The following MLLT3 variants were observed in gnomAD, a reference collection of about 807,000 sequenced individuals.
The protein encoded by MLLT3 is MLLT3 super elongation complex subunit, also known as protein AF-9.
A neutral mutation model predicts 53.2 loss-of-function variants in MLLT3; 4 were observed. The ratio of observed to expected loss-of-function variants is 0.08; its 90% CI spans 0.04 to 0.17. The LOEUF (loss-of-function observed/expected upper bound fraction) is 0.17. MLLT3 is among the 10% of genes least tolerant of loss of function. The probability of loss-of-function intolerance (pLI) is 1.00; values close to 1 mark genes in which losing one functional copy is unlikely to be tolerated. For missense variants in MLLT3, 569 were observed against 684.0 expected, an observed-to-expected ratio of 0.83 and a Z score of 1.87; for synonymous variants, 283 against 230.6, an observed-to-expected ratio of 1.23 and a Z score of -2.06.
At chr9:20,511,454 T>G (rs750341432) in intron 2 of MLLT3, among the ~76,000 whole-genome samples, 4 of 152,200 alleles carry the variant, frequency 2.6e-5, no homozygotes, top group African/African-American at 9.6e-5. Flanking sequence ...CAAGCTGGAA[T>G]CTTTACAGTA....
chr9:20,475,104 T>G (rs566468917), intron 2 of MLLT3, among the ~76,000 whole-genome samples: 1 of 152,098 alleles, frequency 6.6e-6, no homozygotes, highest in Non-Finnish European at 1.5e-5. Context: ...ATCCATTGGC[T>G]TAAGAGTTGA....
At chr9:20,617,712 T>C (rs545037727) in intron 2 of MLLT3, among the ~76,000 whole-genome samples, 1 of 152,172 alleles carries the variant, frequency 6.6e-6, no homozygotes, top group Non-Finnish European at 1.5e-5. Context: ...TGTTTTGTCA[T>C]GGCTAATAGA....
In MLLT3 at chr9:20,622,466, CA is replaced by C; in HGVS notation, c.-211del. On this transcript the variant is annotated 5_prime_UTR_variant, in exon 1 of 11. Transcript: ENST00000380338. ...TCAGCCCCAAAAGCAAAAGCAGCAG[CA>C]GCAGCAGCAGCTCCAGGGTAAAGAA... The C allele has an allele frequency of 3.7e-6, 2 of 538,766 alleles. No individual in the cohort carries two copies. The highest frequency in any genetic ancestry group is 5.1e-5 in the South Asian group (2 of 39,016). The allele number at this position is 538,766 out of a possible 1,614,324, so 33.4% of individuals were successfully genotyped here. A position where few individuals can be genotyped will look rare whatever the true frequency, so the allele number is the denominator to read the frequency against.
intron 2 of MLLT3, among the ~76,000 whole-genome samples, chr9:20,491,988 G>A (rs1586991578): frequency 6.6e-6 from 1 of 152,074 alleles, no homozygotes; most frequent in Non-Finnish European, 1.5e-5. Context: ...ACACCTATTT[G>A]TGTTTTGTGT....
chr9:20,526,461 T>C (rs1818206334), intron 2 of MLLT3, among the ~76,000 whole-genome samples: 1 of 152,322 alleles, frequency 6.6e-6, no homozygotes, highest in South Asian at 2.1e-4. Context: ...CTTATGTGTA[T>C]GGCTTATGCA....
At chr9:20,360,714 C>T in intron 8 of MLLT3, 28 bp downstream of exon 8, 1 of 1,569,498 alleles carries the variant, frequency 6.4e-7, no homozygotes, top group Non-Finnish European at 8.8e-7. Flanking sequence ...TCTGCAGAGT[C>T]TTGCAAAGTG....
intron 5 of MLLT3, among the ~76,000 whole-genome samples, chr9:20,375,292 C>T (rs764668387): frequency 7.9e-5 from 12 of 152,138 alleles, no homozygotes; most frequent in Non-Finnish European, 1.2e-4. Flanking sequence ...ACTTCTAATC[C>T]AATGCTATTT....
In MLLT3 at chr9:20,620,920, CCTT is replaced by C. The variant is rs766260989; in HGVS notation, c.13-89_13-87del. On this transcript the variant is annotated intron_variant, in intron 1 of 10. Transcript: ENST00000380338. This position sits in a 1 kb window ranked among gnomAD's most constrained non-coding sequence, Gnocchi z 6.1. Reference sequence around the variant, plus strand: ...ACGTTGCGCCTGACATTTTTTTCCTCCTTCTTGAAACGCACATAAAAGGAAACG... The same window carrying C: ...ACGTTGCGCCTGACATTTTTTTCCTCCTTGAAACGCACATAAAAGGAAACG... The C allele has an allele frequency of 8.8e-6, 13 of 1,469,010 alleles. No individual in the cohort carries two copies. Among genetic ancestry groups the C allele is most frequent in the East Asian group, 2.3e-5 (1 of 43,960 alleles). The allele number at this position is 1,469,010 out of a possible 1,614,324, so 91.0% of individuals were successfully genotyped here.
Position 20,363,536 on chromosome 9 carries a change from T to C in MLLT3, c.1271A>G (p.Asp424Gly), listed in dbSNP as rs751039580. 12 of 1,614,016 alleles carry C rather than the reference T, an allele frequency of 7.4e-6. No individual in the cohort carries two copies. The Admixed American group carries it at 1.5e-4, about 20-fold the overall frequency. ...CTCCATTTCAGAGTCATTGTCGTTA[T>C]CCTCCACTTCATCTGATTCCTCCTC... ...DNEEESDEVE[D>G]NDNDSEMERP... Residue 424 changes from aspartate to glycine, a missense_variant, in exon 7 of 11, where the codon GAT becomes GGT. Asp to Gly is a moderately conservative substitution (Grantham distance 94, BLOSUM62 -1). Coordinates refer to ENST00000380338, the MANE Select transcript of MLLT3 (RefSeq NM_004529.4).
chr9:20,445,084 CCATCT>C, intron 4 of MLLT3, among the ~76,000 whole-genome samples: 1 of 151,690 alleles, frequency 6.6e-6, no homozygotes, highest in African/African-American at 2.4e-5. Context: ...GAGTGAGACT[CCATCT>C]CAATTAAAAA....
intron 2 of MLLT3, among the ~76,000 whole-genome samples, chr9:20,565,970 A>ATATATATATATTTATATATATATATT (rs1819358056): frequency 1.0e-4 from 3 of 28,630 alleles, no homozygotes; most frequent in Admixed American, 3.5e-4. Context: ...ATATATATTT[A>ATATATATATATTTATATATATATATT]TATATATATA....
At chr9:20,534,628 C>T (rs918057922) in intron 2 of MLLT3, among the ~76,000 whole-genome samples, 2 of 152,186 alleles carry the variant, frequency 1.3e-5, no homozygotes, top group East Asian at 1.9e-4. Context: ...GTGGCTCACA[C>T]CTGTAATCCC....
chr9:20,599,867 G>C (rs77588574), intron 2 of MLLT3, among the ~76,000 whole-genome samples: 5 of 152,098 alleles, frequency 3.3e-5, no homozygotes, highest in Admixed American at 3.3e-4. Flanking sequence ...TGGATGCCAC[G>C]TCTGTAAAAT....
intron 2 of MLLT3, among the ~76,000 whole-genome samples, chr9:20,596,816 A>G (rs1820281624): frequency 6.6e-6 from 1 of 152,230 alleles, no homozygotes; most frequent in South Asian, 2.1e-4. Context: ...CAGCTTGTCA[A>G]TTTACAAAGA....
chr9:20,586,187 G>C (rs375083763), intron 2 of MLLT3, among the ~76,000 whole-genome samples: 1 of 152,166 alleles, frequency 6.6e-6, no homozygotes, highest in African/African-American at 2.4e-5. Flanking sequence ...AGGTGTGGTG[G>C]TGTGTGCCTG....
intron 2 of MLLT3, among the ~76,000 whole-genome samples, chr9:20,469,909 A>G (rs1438868560): frequency 6.6e-6 from 1 of 152,068 alleles, no homozygotes. Context: ...TCTTGCTGTC[A>G]TATTGTAATT....
chr9:20,539,035 G>C (rs1411377986), intron 2 of MLLT3, among the ~76,000 whole-genome samples: 3 of 152,212 alleles, frequency 2.0e-5, no homozygotes, highest in Non-Finnish European at 4.4e-5. Flanking sequence ...TTTTCACTGG[G>C]GAGCAGTAAT....
At chr9:20,350,244 T>G (rs1375431808) in intron 10 of MLLT3, among the ~76,000 whole-genome samples, 1 of 152,178 alleles carries the variant, frequency 6.6e-6, no homozygotes, top group East Asian at 1.9e-4. Context: ...TGCATCATAG[T>G]GCAATAATTA....
At chr9:20,589,587 TAAA>T (rs10609995) in intron 2 of MLLT3, among the ~76,000 whole-genome samples, 3 of 149,620 alleles carry the variant, frequency 2.0e-5, no homozygotes, top group Non-Finnish European at 3.0e-5. Flanking sequence ...AGTATAATAA[TAAA>T]AAAAAAAAGA....
Sources: gnomAD v4.1 joint callset for allele counts (sites outside exome capture counted in the v4.1 genomes callset) on GRCh38, gnomAD v4.1.1 for gene constraint, Gnocchi (gnomAD v3.1) non-coding constraint, MANE v1.5 for transcripts, NCBI Gene and HGNC (gene_info 2026-07-23, HGNC 2026-07-21) for gene names.